PMFBP1: variants seen among roughly 807,000 people sequenced by gnomAD.
The protein encoded by PMFBP1 is polyamine modulated factor 1 binding protein 1.
In PMFBP1, 131 loss-of-function variants were observed where a neutral mutation model predicts 137.8. That is an observed-to-expected ratio of 0.95 (90% CI 0.82 to 1.10). The LOEUF is 1.10. Ranked by LOEUF, PMFBP1 falls within the 50% of genes least tolerant of loss-of-function variation. The pLI is 0.00. For synonymous variants in PMFBP1, 490 were observed against 450.4 expected (o/e 1.09, Z -1.11); for missense variants, 1,199 against 1,175.4 (o/e 1.02, Z -0.29).
chr16:72,226,640 C>CA, the PMFBP1 span, among the ~76,000 whole-genome samples: 2 of 151,926 alleles, frequency 1.3e-5, no homozygotes, highest in East Asian at 3.9e-4. Flanking sequence ...TCTCTTAGAA[C>CA]AAAAAATATT....
intron 2 of PMFBP1, among the ~76,000 whole-genome samples, chr16:72,166,950 C>T (rs2043153168): frequency 6.6e-6 from 1 of 152,186 alleles, no homozygotes; most frequent in Admixed American, 6.5e-5. Flanking sequence ...AGCCAAAGTG[C>T]CCAAGGTCTC....
the PMFBP1 span, among the ~76,000 whole-genome samples, chr16:72,195,981 A>ATGTGTG: frequency 7.7e-4 from 111 of 145,056 alleles, no homozygotes; most frequent in African/African-American, 2.4e-3. Flanking sequence ...AGCTTACAGA[A>ATGTGTG]TGTGTGTGTG....
the PMFBP1 span, among the ~76,000 whole-genome samples, chr16:72,212,404 T>C: frequency 6.6e-6 from 1 of 151,968 alleles, no homozygotes; most frequent in Non-Finnish European, 1.5e-5. Context: ...ATGGTACATG[T>C]GCCAAATCCA....
At chr16:72,137,453 C>T (rs1389569376) in intron 7 of PMFBP1, among the ~76,000 whole-genome samples, 2 of 151,826 alleles carry the variant, frequency 1.3e-5, no homozygotes, top group Non-Finnish European at 2.9e-5. Context: ...GGGGCATGGG[C>T]GGGGGAGGCG....
chr16:72,156,905 C>T (rs1373429778), intron 3 of PMFBP1, among the ~76,000 whole-genome samples: 6 of 151,690 alleles, frequency 4.0e-5, no homozygotes, highest in African/African-American at 9.7e-5. Flanking sequence ...CAGACAAAAT[C>T]GGCTGGGTGC....
At chr16:72,125,509 G>C in intron 15 of PMFBP1, 104 bp from the exon 16 acceptor site, 1 of 1,306,526 alleles carries the variant, frequency 7.7e-7, no homozygotes, top group South Asian at 1.5e-5. Flanking sequence ...CCTCTGCCCA[G>C]GGTGACACGG....
the PMFBP1 span, among the ~76,000 whole-genome samples, chr16:72,214,799 A>T: frequency 1.3e-5 from 2 of 152,218 alleles, no homozygotes; most frequent in African/African-American, 4.8e-5. Context: ...GGGAGAAATC[A>T]TATCAAAGAA....
chr16:72,205,740 G>T, the PMFBP1 span, among the ~76,000 whole-genome samples: 1 of 152,144 alleles, frequency 6.6e-6, no homozygotes, highest in Admixed American at 6.5e-5. Context: ...CTTCCATAGA[G>T]TTCTTGGAGA....
At chr16:72,189,611 T>G in the PMFBP1 span, among the ~76,000 whole-genome samples, 3 of 152,198 alleles carry the variant, frequency 2.0e-5, no homozygotes, top group Middle Eastern at 3.4e-3. Flanking sequence ...GCTACAGAAG[T>G]TCAAGTAAGA....
At chr16:72,202,325 C>G in the PMFBP1 span, among the ~76,000 whole-genome samples, 9 of 152,208 alleles carry the variant, frequency 5.9e-5, no homozygotes, top group African/African-American at 2.2e-4. Context: ...GGACTCTTCA[C>G]TGATGTATCT....
chr16:72,192,099 T>C, the PMFBP1 span, among the ~76,000 whole-genome samples: 2 of 152,284 alleles, frequency 1.3e-5, no homozygotes, highest in East Asian at 1.9e-4. Context: ...CTCCCCACCA[T>C]CCTGAATTTT....
Position 72,153,945 on chromosome 16 carries a change from CACACACACACACACACAT to C in PMFBP1, c.414+248_414+265del, listed in dbSNP as rs1465377089. Among the ~76,000 whole-genome samples, 3 of 149,908 alleles carry C rather than the reference CACACACACACACACACAT, an allele frequency of 2.0e-5. No individual in the cohort carries two copies. The Admixed American group carries it at 2.1e-4, about 10-fold the overall frequency. On this transcript the variant is annotated intron_variant, in intron 4 of 20. Transcript: ENST00000237353. ...ATACACACACACACACACACACACA[CACACACACACACACACAT>C]GCCTGCACACACACTCCACATATTC...
At position 72,136,553 on chromosome 16, in the gene PMFBP1, G is replaced by A; in HGVS notation, c.1098C>T (p.Ala366=). ...DLHGLREETS[A]HIERKDKDIT... ...TGTCCTTATCCTTCCTCTCAATGTG[G>A]GCAGATGTCTCCTCCCGCAGTCCGT... Residue 366 remains alanine, a synonymous_variant, in exon 9 of 21, where the codon GCC becomes GCT. Transcript: ENST00000237353. 1 of 1,613,926 alleles carries A rather than the reference G, an allele frequency of 6.2e-7. No homozygotes were observed. Among genetic ancestry groups the A allele is most frequent in the Admixed American group, 1.7e-5 (1 of 59,992 alleles).
At chr16:72,137,420 A>G (rs1000337368) in intron 7 of PMFBP1, among the ~76,000 whole-genome samples, 4 of 152,202 alleles carry the variant, frequency 2.6e-5, no homozygotes, top group African/African-American at 9.7e-5. Flanking sequence ...TATGGGGGAA[A>G]CAGAAGAGCG....
the PMFBP1 span, among the ~76,000 whole-genome samples, chr16:72,239,962 G>C: frequency 3.9e-3 from 589 of 151,084 alleles, no homozygotes; most frequent in Non-Finnish European, 6.5e-3. Flanking sequence ...AAACCCATGA[G>C]GTTTAATATT....
At chr16:72,217,306 C>T in the PMFBP1 span, among the ~76,000 whole-genome samples, 1 of 152,108 alleles carries the variant, frequency 6.6e-6, no homozygotes, top group African/African-American at 2.4e-5. Context: ...ATTATAATTA[C>T]ATTTTAAAAT....
At chr16:72,207,287 G>C in the PMFBP1 span, among the ~76,000 whole-genome samples, 1 of 152,156 alleles carries the variant, frequency 6.6e-6, no homozygotes, top group Non-Finnish European at 1.5e-5. Context: ...GATGGCCTCA[G>C]AAATGAAAGG....
At chr16:72,203,393 C>T in the PMFBP1 span, among the ~76,000 whole-genome samples, 2 of 152,186 alleles carry the variant, frequency 1.3e-5, no homozygotes, top group Non-Finnish European at 1.5e-5. Context: ...TCCAATGTTC[C>T]TTCCTATACT....
Position 72,119,171 on chromosome 16 carries a change from G to T in PMFBP1, c.*167C>A. 7.1e-6 allele frequency: 5 copies of T among 709,108 alleles called. No individual in the cohort carries two copies. The highest frequency in any genetic ancestry group is 1.2e-5 in the Non-Finnish European group (5 of 416,978). 43.9% of individuals were successfully genotyped at this position (709,108 alleles called of 1,614,324 possible). A position where few individuals can be genotyped will look rare whatever the true frequency, so the allele number is the denominator to read the frequency against. On this transcript the variant is annotated 3_prime_UTR_variant, in exon 21 of 21. Coordinates refer to ENST00000237353, the MANE Select transcript of PMFBP1 (RefSeq NM_031293.3). ...GTATGGTTCTAAAGCTCACTCCATGGCAGGAAGTGGACAAAACTCAACAAA... is the reference window on the plus strand; with the variant it reads ...GTATGGTTCTAAAGCTCACTCCATGTCAGGAAGTGGACAAAACTCAACAAA...
Sources: allele counts gnomAD v4.1 joint callset (sites outside exome capture counted in the v4.1 genomes callset), GRCh38; gene constraint gnomAD v4.1.1; transcripts MANE v1.5; gene names NCBI Gene and HGNC (gene_info 2026-07-23, HGNC 2026-07-21).